The following ABCB4 variants were observed in gnomAD, a reference collection of about 807,000 sequenced individuals.
ABCB4 encodes phosphatidylcholine translocator ABCB4.
ABCB4 carries 76 observed loss-of-function variants against 145.7 expected under a neutral mutation model. The observed-to-expected ratio is 0.52, with a 90% CI of 0.43 to 0.63. The LOEUF (loss-of-function observed/expected upper bound fraction) is 0.63, where lower values mean the gene tolerates loss of function less well. Among genes scored for constraint, ABCB4 ranks in the 30% least tolerant of loss-of-function variants. The pLI, the probability that ABCB4 is intolerant of heterozygous loss-of-function variation, is 0.00. For missense variants in ABCB4, 1,234 were observed against 1,553.1 expected (o/e 0.79, Z 3.45); for synonymous variants, 517 against 566.8 (o/e 0.91, Z 1.25).
intron 8 of ABCB4, 42 bp from the exon 9 acceptor site, chr7:87,447,247 A>G (rs1397809788): frequency 1.3e-6 from 2 of 1,587,412 alleles, no homozygotes; most frequent in African/African-American, 1.3e-5. Flanking sequence ...ATTAAGAATA[A>G]CAATCCATAG....
chr7:87,398,257 G>GT (rs1584657030), downstream of ABCB4: 1 of 610,866 alleles, frequency 1.6e-6, no homozygotes, highest in African/African-American at 1.8e-5. Flanking sequence ...TTTAAACGCA[G>GT]TAAGACCTAG....
rs2373592 is a variant in ABCB4 at position 87,463,184 on chromosome 7, T to A, written c.136-276A>T. 4.5e-3 allele frequency among the ~76,000 whole-genome samples: 682 copies of A among 152,176 alleles called. 14 individuals are homozygous for A. The highest frequency in any genetic ancestry group is 0.036 in the Admixed American group (555 of 15,264). Reference sequence around the variant, plus strand: ...AAAAGGGATAAAGGTTTAAGAAATATTATTTGATATCCCAGAGCTCCTGTG... The same window carrying A: ...AAAAGGGATAAAGGTTTAAGAAATAATATTTGATATCCCAGAGCTCCTGTG... On this transcript the variant is annotated intron_variant, in intron 3 of 27. Transcript: ENST00000649586.
At chr7:87,380,833 AT>A in the ABCB4 span, among the ~76,000 whole-genome samples, 4 of 152,178 alleles carry the variant, frequency 2.6e-5, no homozygotes, top group Admixed American at 2.6e-4. Context: ...ATATCTGAAA[AT>A]TCTTTGTAAA....
chr7:87,427,637 G>T (rs1809933068), intron 15 of ABCB4, among the ~76,000 whole-genome samples: 1 of 152,104 alleles, frequency 6.6e-6, no homozygotes, highest in Admixed American at 6.6e-5. Flanking sequence ...TTAATAGTTT[G>T]TTCAGGGTCT....
Position 87,475,624 on chromosome 7 carries a change from C to T in ABCB4, c.-7+10G>A, listed in dbSNP as rs958189567. The T allele has an allele frequency of 4.5e-5, 32 of 715,538 alleles. No individual in the cohort carries two copies. Among genetic ancestry groups the T allele is most frequent in the Non-Finnish European group, 4.9e-6 (2 of 411,242 alleles). 44.3% of individuals were successfully genotyped at this position (715,538 alleles called of 1,614,324 possible). On this transcript the variant is annotated intron_variant, in intron 1 of 27. Coordinates refer to ENST00000649586, the MANE Select transcript of ABCB4 (RefSeq NM_000443.4). ...CCCTTCGAGGCCAGACGCGCCCGGA[C>T]CTCTCTCACCTCGAACCTCGCGCGT...
intron 14 of ABCB4, among the ~76,000 whole-genome samples, chr7:87,437,319 T>C (rs1027525905): frequency 1.3e-5 from 2 of 152,088 alleles, no homozygotes; most frequent in Admixed American, 6.6e-5. Flanking sequence ...ACATGGAGAA[T>C]TGAGATGGCC....
At chr7:87,422,770 C>G (rs902774153) in intron 17 of ABCB4, among the ~76,000 whole-genome samples, 1 of 152,170 alleles carries the variant, frequency 6.6e-6, no homozygotes, top group Non-Finnish European at 1.5e-5. Flanking sequence ...CAGCTAACAC[C>G]TCTCTATTAC....
At chr7:87,407,508 G>A (rs1210228744) in intron 25 of ABCB4, among the ~76,000 whole-genome samples, 2 of 152,218 alleles carry the variant, frequency 1.3e-5, no homozygotes. Flanking sequence ...AGCATTATCA[G>A]TAAGAGTTGG....
intron 9 of ABCB4, among the ~76,000 whole-genome samples, chr7:87,445,389 A>T (rs550917197): frequency 6.6e-6 from 1 of 152,184 alleles, no homozygotes; most frequent in South Asian, 2.1e-4. Flanking sequence ...ACCATGTCAC[A>T]TATATTTTTA....
intron 11 of ABCB4, 37 bp from the exon 12 acceptor site, chr7:87,443,481 A>G (rs750783378): frequency 1.3e-5 from 21 of 1,613,718 alleles, no homozygotes; most frequent in Non-Finnish European, 1.4e-5. Context: ...ACACTTCACA[A>G]CAAAGCCCTA....
At chr7:87,408,566 G>A (rs774600429) in intron 24 of ABCB4, among the ~76,000 whole-genome samples, 1 of 152,202 alleles carries the variant, frequency 6.6e-6, no homozygotes, top group Non-Finnish European at 1.5e-5. Flanking sequence ...CTAAAGGCTT[G>A]GAAATTTAGC....
intron 4 of ABCB4, among the ~76,000 whole-genome samples, chr7:87,460,006 G>T (rs1812344702): frequency 6.6e-6 from 1 of 152,100 alleles, no homozygotes; most frequent in Non-Finnish European, 1.5e-5. Flanking sequence ...CGTCTTTGTA[G>T]TTTCTTTGAT....
At chr7:87,398,312 C>T (rs2116257925), downstream of ABCB4, 2 of 680,202 alleles carry the variant, frequency 2.9e-6, no homozygotes, top group Middle Eastern at 2.4e-4. Flanking sequence ...CCCCTTTGTC[C>T]CTAGGTGCTA....
the ABCB4 span, chr7:87,377,211 T>C: frequency 5.6e-6 from 3 of 535,780 alleles, no homozygotes; most frequent in Non-Finnish European, 9.8e-6. Flanking sequence ...TCAGTGTTGC[T>C]GATCATAACT....
chr7:87,369,947 C>T, the ABCB4 span, among the ~76,000 whole-genome samples: 851 of 143,194 alleles, frequency 5.9e-3, 4 homozygotes, highest in Middle Eastern at 0.025. Flanking sequence ...TGATAACTCC[C>T]GTGTACCCAT....
the ABCB4 span, among the ~76,000 whole-genome samples, chr7:87,381,291 T>C: frequency 6.6e-6 from 1 of 152,218 alleles, no homozygotes; most frequent in African/African-American, 2.4e-5. Flanking sequence ...AAATAGATGA[T>C]GGGAAAATTC....
chr7:87,413,616 C>A lies in ABCB4; in HGVS notation c.2783+1G>T. 3 of 1,575,490 alleles carry A rather than the reference C, an allele frequency of 1.9e-6. No homozygotes were observed. The highest frequency in any genetic ancestry group is 2.6e-6 in the Non-Finnish European group (3 of 1,146,262). On this transcript the variant is annotated splice_donor_variant, in intron 22 of 27. Coordinates refer to ENST00000649586, the MANE Select transcript of ABCB4 (RefSeq NM_000443.4). LOFTEE classifies it high-confidence loss of function. The stretch of plus-strand genomic sequence containing the variant: ...TTAGCAGGAATCATATGGTTCATTA[C>A]CTGTAAGGTCCATACAATTTTTCAA...
At chr7:87,423,592 C>T in intron 17 of ABCB4, 1 of 391,012 alleles carries the variant, frequency 2.6e-6, no homozygotes, top group Non-Finnish European at 4.8e-6. Flanking sequence ...CACTGTGCGA[C>T]TTGTACCAGC....
chr7:87,391,186 A>C, the ABCB4 span, among the ~76,000 whole-genome samples: 1 of 152,324 alleles, frequency 6.6e-6, no homozygotes, highest in East Asian at 1.9e-4. Flanking sequence ...ATGAGAAATA[A>C]GAGAACAAGA....
Sources: gnomAD v4.1 joint callset for allele counts (sites outside exome capture counted in the v4.1 genomes callset) on GRCh38, gnomAD v4.1.1 for gene constraint, MANE v1.5 for transcripts, NCBI Gene and HGNC (gene_info 2026-07-23, HGNC 2026-07-21) for gene names.